CHRNA7: variants seen among roughly 807,000 people sequenced by gnomAD.
The protein encoded by CHRNA7 is cholinergic receptor nicotinic alpha 7 subunit, also known as neuronal acetylcholine receptor subunit alpha-7.
Under a neutral mutation model 48.0 loss-of-function variants are expected in CHRNA7, and 17 were observed. That is an observed-to-expected ratio of 0.35 (90% CI 0.24 to 0.53). CHRNA7 has a LOEUF of 0.53. CHRNA7 is among the 20% of genes least tolerant of loss of function. The pLI, the probability that CHRNA7 is intolerant of heterozygous loss-of-function variation, is 0.92. For synonymous variants in CHRNA7, 75 were observed against 242.3 expected, an observed-to-expected ratio of 0.31 and a Z score of 6.41; for missense variants, 155 against 577.7, an observed-to-expected ratio of 0.27 and a Z score of 7.50.
chr15:32,105,205 T>C (rs1175617142), intron 3 of CHRNA7, among the ~76,000 whole-genome samples: 3 of 152,200 alleles, frequency 2.0e-5, no homozygotes, highest in African/African-American at 7.2e-5. Flanking sequence ...CACCTCCTCT[T>C]GGAGCAACCT....
At chr15:32,153,126 A>G (rs948507925) in intron 4 of CHRNA7, among the ~76,000 whole-genome samples, 1 of 152,110 alleles carries the variant, frequency 6.6e-6, no homozygotes, top group African/African-American at 2.4e-5. Flanking sequence ...CAGTCATTCA[A>G]GATATATATG....
In CHRNA7 at chr15:32,049,638, C is replaced by G. The variant is rs996634490; in HGVS notation, c.195+18601C>G. On this transcript the variant is annotated intron_variant, in intron 2 of 9. Transcript: ENST00000306901. Reference sequence around the variant, plus strand: ...GTGTCTTTTAATTGGAGCATTTAGTCCATTTACATTTGAAGTTAATATTGT... The same window carrying G: ...GTGTCTTTTAATTGGAGCATTTAGTGCATTTACATTTGAAGTTAATATTGT... Among the ~76,000 whole-genome samples, 33 of 152,170 alleles carry G rather than the reference C, an allele frequency of 2.2e-4. 3 individuals carry two copies. The highest frequency in any genetic ancestry group is 1.2e-3 in the Admixed American group (18 of 15,276).
chr15:32,123,092 A>G (rs192559295), intron 4 of CHRNA7, among the ~76,000 whole-genome samples: 257 of 152,320 alleles, frequency 1.7e-3, no homozygotes, highest in African/African-American at 5.9e-3. Flanking sequence ...GAAGAAACCA[A>G]GAAAGAGGCA....
intron 4 of CHRNA7, among the ~76,000 whole-genome samples, chr15:32,115,933 G>C (rs1054060719): frequency 4.7e-4 from 71 of 152,174 alleles, no homozygotes; most frequent in African/African-American, 1.7e-3. Context: ...ATTCAACTGA[G>C]ACTGAGTCCA....
intron 4 of CHRNA7, among the ~76,000 whole-genome samples, chr15:32,136,938 A>G (rs374600664): frequency 0.012 from 1,780 of 144,362 alleles, 50 homozygotes; most frequent in African/African-American, 0.035. Context: ...AGGCTGAGGC[A>G]GGAGAATGGC....
chr15:32,124,362 G>A (rs2051028997), intron 4 of CHRNA7, among the ~76,000 whole-genome samples: 1 of 152,150 alleles, frequency 6.6e-6, no homozygotes, highest in African/African-American at 2.4e-5. Flanking sequence ...TAATTATGTT[G>A]CAGTGTGACT....
At position 32,149,358 on chromosome 15, in the gene CHRNA7, G is replaced by A. The variant is rs531406193; in HGVS notation, c.351-4549G>A. 1.2e-4 allele frequency among the ~76,000 whole-genome samples: 19 copies of A among 152,102 alleles called. No homozygotes were observed. Among genetic ancestry groups the A allele is most frequent in the Non-Finnish European group, 2.4e-4 (16 of 68,024 alleles). ...GGGTCACTGTTGGCTGGCATCTGTC[G>A]GGCATCCCCGGGGAAGCTGCGCCGG... On this transcript the variant is annotated intron_variant, in intron 4 of 9. Coordinates refer to ENST00000306901, the MANE Select transcript of CHRNA7 (RefSeq NM_000746.6). This position sits in a 1 kb window ranked among gnomAD's most constrained non-coding sequence, Gnocchi z 4.6.
At chr15:32,053,940 G>A (rs2049739065) in intron 2 of CHRNA7, among the ~76,000 whole-genome samples, 1 of 152,172 alleles carries the variant, frequency 6.6e-6, no homozygotes, top group African/African-American at 2.4e-5. Flanking sequence ...CATGGTTAAT[G>A]AATGCCACCT....
At chr15:32,144,712 A>G (rs1031074043) in intron 4 of CHRNA7, among the ~76,000 whole-genome samples, 1 of 152,178 alleles carries the variant, frequency 6.6e-6, no homozygotes, top group African/African-American at 2.4e-5. Flanking sequence ...CGAATCGGCT[A>G]TTGAAGCTTG....
At chr15:32,045,719 C>T (rs897662999) in intron 2 of CHRNA7, among the ~76,000 whole-genome samples, 1 of 151,528 alleles carries the variant, frequency 6.6e-6, no homozygotes, top group Non-Finnish European at 1.5e-5. Context: ...GCACAACGTG[C>T]AGGTTTGTTA....
intron 2 of CHRNA7, among the ~76,000 whole-genome samples, chr15:32,064,482 A>AGTGTGTGTGT (rs5811677): frequency 2.7e-5 from 4 of 150,624 alleles, no homozygotes; most frequent in Middle Eastern, 3.4e-3. Context: ...GTGTGTGTGT[A>AGTGTGTGTGT]GTGTGTGTGT....
chr15:32,129,999 T>G (rs1191898767), intron 4 of CHRNA7, among the ~76,000 whole-genome samples: 3 of 152,062 alleles, frequency 2.0e-5, no homozygotes, highest in Non-Finnish European at 4.4e-5. Context: ...TCCAAGTGTT[T>G]GGAGATTTTC....
chr15:32,037,852 C>T (rs1269617408), intron 2 of CHRNA7, among the ~76,000 whole-genome samples: 9 of 151,668 alleles, frequency 5.9e-5, no homozygotes, highest in East Asian at 1.9e-4. Flanking sequence ...ATGTCATCTG[C>T]GATCAAAGAC....
At chr15:32,037,654 T>A (rs1902155555) in intron 2 of CHRNA7, among the ~76,000 whole-genome samples, 1 of 152,156 alleles carries the variant, frequency 6.6e-6, no homozygotes, top group South Asian at 2.1e-4. Context: ...ACCTAAGTGC[T>A]TAATTTTTGA....
At chr15:32,112,590 C>G (rs1452265018) in intron 4 of CHRNA7, among the ~76,000 whole-genome samples, 2 of 152,122 alleles carry the variant, frequency 1.3e-5, no homozygotes, top group Non-Finnish European at 2.9e-5. Context: ...ATAAGGGATC[C>G]CAGAACATTT....
chr15:32,099,298 C>G (rs2050529605), intron 2 of CHRNA7: 1 of 152,204 alleles, frequency 6.6e-6, no homozygotes, highest in East Asian at 1.9e-4. Context: ...CGGACAGGTG[C>G]CAAGAGGAGG....
At chr15:32,097,376 G>A (rs1362627917) in intron 2 of CHRNA7, among the ~76,000 whole-genome samples, 4 of 152,164 alleles carry the variant, frequency 2.6e-5, no homozygotes, top group Admixed American at 2.6e-4. Context: ...GATGGTATTA[G>A]GAGGTGATTA....
At chr15:32,075,777 A>G (rs2050127611) in intron 2 of CHRNA7, among the ~76,000 whole-genome samples, 1 of 151,406 alleles carries the variant, frequency 6.6e-6, no homozygotes, top group East Asian at 1.9e-4. Flanking sequence ...GGTTCTTCAG[A>G]TAGGAGCTTA....
chr15:32,052,417 A>T (rs2049705942), intron 2 of CHRNA7, among the ~76,000 whole-genome samples: 1 of 152,100 alleles, frequency 6.6e-6, no homozygotes, highest in South Asian at 2.1e-4. Flanking sequence ...GGAGAGGAGA[A>T]GTTGGTTAAA....
Sources: allele counts gnomAD v4.1 joint callset (sites outside exome capture counted in the v4.1 genomes callset), GRCh38; gene constraint gnomAD v4.1.1; non-coding constraint Gnocchi (gnomAD v3.1); transcripts MANE v1.5; gene names NCBI Gene and HGNC (gene_info 2026-07-23, HGNC 2026-07-21).